The following SCAP variants were observed in gnomAD, a reference collection of about 807,000 sequenced individuals.
SCAP encodes the protein SREBF chaperone, also known as sterol regulatory element-binding protein cleavage-activating protein.
In SCAP, 65 loss-of-function variants were observed where a neutral mutation model predicts 123.6. That is an observed-to-expected ratio of 0.53 (90% CI 0.43 to 0.65). The LOEUF is 0.65. SCAP is among the 30% of genes least tolerant of loss of function. The pLI is 0.00. For synonymous variants in SCAP, 740 were observed against 726.3 expected, an observed-to-expected ratio of 1.02 and a Z score of -0.30; for missense variants, 1,398 against 1,712.5, an observed-to-expected ratio of 0.82 and a Z score of 3.24.
chr3:47,422,544 G>C lies in SCAP; in HGVS notation c.1151-8C>G. ...AGCTCTCGCTGCTTAGGCCTGCAGA[G>C]GGCAGCAACAGGGCACAGGGCAACA... is the stretch of plus-strand genomic sequence containing the variant. On this transcript the variant is annotated splice_polypyrimidine_tract_variant and splice_region_variant and intron_variant, in intron 9 of 22. Transcript: ENST00000265565. The C allele has an allele frequency of 6.2e-7, 1 of 1,607,404 alleles. No individual in the cohort carries two copies. The highest frequency in any genetic ancestry group is 2.2e-5 in the East Asian group (1 of 44,598).
At chr3:47,431,804 C>T (rs1291868357) in intron 3 of SCAP, among the ~76,000 whole-genome samples, 3 of 152,164 alleles carry the variant, frequency 2.0e-5, no homozygotes, top group Non-Finnish European at 4.4e-5. Context: ...TGTAAAGTTA[C>T]TTTTTCCCAC....
At chr3:47,417,014 G>A (rs113001398) in intron 18 of SCAP, 108 bp downstream of exon 18, 7 of 943,666 alleles carry the variant, frequency 7.4e-6, no homozygotes, top group Non-Finnish European at 9.7e-6. Context: ...AAGGTCAATC[G>A]AATCATACAG....
At position 47,417,392 on chromosome 3, in the gene SCAP, G is replaced by A. The variant is rs1438889819; in HGVS notation, c.2882C>T (p.Ala961Val). The change falls in exon 17 of 23, where the codon GCC becomes GTC. Residue 961 changes from alanine (A) to valine (V), a missense_variant. Physicochemically the swap from Ala to Val is moderately conservative, Grantham distance 64. Coordinates refer to ENST00000265565, the MANE Select transcript of SCAP (RefSeq NM_012235.4). ...GSPEKGSPSL[A>V]WAPSAEGSIW... ...GGAACCCTCGGCACTGGGGGCCCAG[G>A]CGAGGGAAGGGGAGCCTTTCTCGGG... 6.3e-7 allele frequency: 1 copy of A among 1,594,004 alleles called. No individual in the cohort carries two copies.
chr3:47,422,630 G>A, intron 9 of SCAP, 94 bp from the exon 10 acceptor site: 3 of 1,069,312 alleles, frequency 2.8e-6, no homozygotes, highest in South Asian at 1.5e-5. Context: ...CAGAGGCATG[G>A]CAAGGCCCCC....
chr3:47,419,630 C>G lies in SCAP; in HGVS notation c.1638G>C (p.Gln546His). Residue 546 changes from glutamine to histidine, a missense_variant, in exon 13 of 23, where the codon CAG (glutamine) becomes CAC (histidine). This residue lies in a region of SCAP where 828 missense variants were observed against 882.5 expected (regional missense o/e 0.94). Transcript: ENST00000265565. This position sits in a 1 kb window ranked among gnomAD's most constrained non-coding sequence, Gnocchi z 5.0. The part of the protein sequence containing the change: ...PAGLRNYLAA[Q>H]VTEQSPLGEG... ...CACCCAATGGGCTCTGTTCCGTCAC[C>G]TGGGCAGCGAGGTAGTTGCGCAGCC... 1 of 1,579,442 alleles carries G rather than the reference C, an allele frequency of 6.3e-7. No individual in the cohort carries two copies. Among genetic ancestry groups the G allele is most frequent in the Non-Finnish European group, 8.6e-7 (1 of 1,161,540 alleles).
intron 7 of SCAP, 35 bp from the exon 8 acceptor site, chr3:47,425,646 T>TC (rs755826250): frequency 6.2e-7 from 1 of 1,607,296 alleles, no homozygotes; most frequent in African/African-American, 1.3e-5. Context: ...GGGCGGCCCC[T>TC]CCCCCAGCCC....
Position 47,425,473 on chromosome 3 carries a change from C to T in SCAP, c.1037+12G>A. 6.2e-7 allele frequency: 1 copy of T among 1,612,792 alleles called. No individual in the cohort carries two copies. The highest frequency in any genetic ancestry group is 2.2e-5 in the East Asian group (1 of 44,894). On this transcript the variant is annotated intron_variant, in intron 8 of 22. Transcript: ENST00000265565. ...CCACCCTGTGGCCCAGTGGAGCCTG[C>T]TAGGGACCTACCCGCCATTGAGGGT... is the stretch of plus-strand genomic sequence containing the variant.
Position 47,435,142 on chromosome 3 carries a change from G to C in SCAP, c.123-5C>G. ...GGGAGTTTCAGCAGTGGGTAGCTGG[G>C]ATGTACAAAAAGGAGATAAGAATTA... is the stretch of plus-strand genomic sequence containing the variant. On this transcript the variant is annotated splice_polypyrimidine_tract_variant and splice_region_variant and intron_variant, in intron 2 of 22. Transcript: ENST00000265565. 1 of 1,611,210 alleles carries C rather than the reference G, an allele frequency of 6.2e-7. No homozygotes were observed.
At position 47,418,853 on chromosome 3, in the gene SCAP, G is replaced by A; in HGVS notation, c.1941-10C>T. On this transcript the variant is annotated splice_polypyrimidine_tract_variant and intron_variant, in intron 13 of 22. Coordinates refer to ENST00000265565, the MANE Select transcript of SCAP (RefSeq NM_012235.4). ...CAGCAGGCTGATGTACCTGGATTCG[G>A]ACAGTGGGCAGCCTCAGCGGGGGGC... 1 of 1,513,436 alleles carries A rather than the reference G, an allele frequency of 6.6e-7. No individual in the cohort carries two copies. Among genetic ancestry groups the A allele is most frequent in the South Asian group, 1.3e-5 (1 of 74,590 alleles). The allele number at this position is 1,513,436 out of a possible 1,614,324, so 93.8% of individuals were successfully genotyped here.
Position 47,415,076 on chromosome 3 carries a change from TGCCCACCCCAG to T in SCAP, c.3139+11_3139+21del. The T allele has an allele frequency of 6.3e-7, 1 of 1,588,714 alleles. No homozygotes were observed. Among genetic ancestry groups the T allele is most frequent in the Non-Finnish European group, 8.5e-7 (1 of 1,170,506 alleles). ...GCCCGTCCCACCAAGTGTGAACACC[TGCCCACCCCAG>T]GCCCTCCGACCTCTAAACTGCAGGG... On this transcript the variant is annotated intron_variant, in intron 19 of 22. Transcript: ENST00000265565.
chr3:47,466,635 C>A (rs1008163064), intron 1 of SCAP, among the ~76,000 whole-genome samples: 1 of 151,952 alleles, frequency 6.6e-6, no homozygotes, highest in African/African-American at 2.4e-5. Flanking sequence ...CAAAAATTAA[C>A]TCAAAATAGA....
chr3:47,425,292 T>C lies in SCAP; in HGVS notation c.1037+193A>G, dbSNP rs543794993. The C allele has an allele frequency of 1.1e-5, 7 of 617,424 alleles. No individual in the cohort carries two copies. In the East Asian group the frequency reaches 2.0e-4, roughly 18 times the overall value. The allele number at this position is 617,424 out of a possible 1,614,324, so 38.2% of individuals were successfully genotyped here. A position where few individuals can be genotyped will look rare whatever the true frequency, so the allele number is the denominator to read the frequency against. On this transcript the variant is annotated intron_variant, in intron 8 of 22. Transcript: ENST00000265565. ...TATGGACACTCACTATAGCTAGATA[T>C]GCTATATACAAACACAAGTATGAAT...
Position 47,427,561 on chromosome 3 carries a change from A to T in SCAP, c.517T>A (p.Ser173Thr). ...TCATTCTGCCAGAAGTTCCCAGGGG[A>T]CAGCAGCAGGCATCCATGCTCAGGG... Reference protein sequence around the residue: ...LLPEHGCLLLSPGNFWQNDWE... With the variant: ...LLPEHGCLLLTPGNFWQNDWE... Residue 173 changes from serine to threonine, a missense_variant, in exon 5 of 23, where the codon TCC becomes ACC. By Grantham distance (58) the Ser-to-Thr change is moderately conservative. Transcript: ENST00000265565. 1 of 1,614,170 alleles carries T rather than the reference A, an allele frequency of 6.2e-7. No homozygotes were observed. The highest frequency in any genetic ancestry group is 1.6e-4 in the Middle Eastern group (1 of 6,062).
chr3:47,423,795 C>T, intron 9 of SCAP, 138 bp downstream of exon 9: 1 of 663,974 alleles, frequency 1.5e-6, no homozygotes, highest in Non-Finnish European at 2.7e-6. Flanking sequence ...GCCCAGTGGC[C>T]CACTGCATAT....
Position 47,439,532 on chromosome 3 carries a change from T to A in SCAP, c.122+3340A>T, listed in dbSNP as rs561862006. ...TTCACATCACTCTCTGACCTGCACATAGGGCAGTCCAACTAACATGGCATC... is the reference window on the plus strand; with the variant it reads ...TTCACATCACTCTCTGACCTGCACAAAGGGCAGTCCAACTAACATGGCATC... On this transcript the variant is annotated intron_variant, in intron 2 of 22. Transcript: ENST00000265565. The surrounding 1 kb of genome is among the most constrained non-coding windows in gnomAD (Gnocchi z 4.0). 2.0e-5 allele frequency among the ~76,000 whole-genome samples: 3 copies of A among 152,330 alleles called. 1 individual carries two copies. In the Middle Eastern group the frequency reaches 0.01, roughly 518 times the overall value.
At chr3:47,444,954 T>C (rs1706972465) in intron 1 of SCAP, among the ~76,000 whole-genome samples, 1 of 151,408 alleles carries the variant, frequency 6.6e-6, no homozygotes, top group African/African-American at 2.4e-5. Flanking sequence ...GTATTTTTGA[T>C]AGAGACCAAG....
rs745741259 is a variant in SCAP at position 47,420,523 on chromosome 3, G to GAGGGC, written c.1563+26_1563+30dup. 1.2e-5 allele frequency: 19 copies of GAGGGC among 1,552,500 alleles called. No homozygotes were observed. Among genetic ancestry groups the GAGGGC allele is most frequent in the South Asian group, 2.4e-5 (2 of 83,802 alleles). Reference sequence around the variant, plus strand: ...GGCCTGGAGCACCGGCCCTCCAGAAGAGGGCAGGGCAGGGCAGGGGTGGCA... The same window carrying GAGGGC: ...GGCCTGGAGCACCGGCCCTCCAGAAGAGGGCAGGGCAGGGCAGGGCAGGGGTGGCA... On this transcript the variant is annotated intron_variant, in intron 12 of 22. Transcript: ENST00000265565. The surrounding 1 kb of genome is among the most constrained non-coding windows in gnomAD (Gnocchi z 5.0).
Position 47,417,737 on chromosome 3 carries a change from T to C in SCAP, c.2537A>G (p.Glu846Gly), listed in dbSNP as rs1705662227. ...RLSDGGKAGP[E>G]EPGDSPPLRH... ...CAGGGGAGGGCTGTCCCCAGGCTCC[T>C]CTGGACCAGCCTTCCCACCATCTGA... The change falls in exon 17 of 23, where the codon GAG (glutamate) becomes GGG (glycine). Residue 846 changes from glutamate (E) to glycine (G), a missense_variant. Glu to Gly is a moderately conservative substitution (Grantham distance 98). Coordinates refer to ENST00000265565, the MANE Select transcript of SCAP (RefSeq NM_012235.4). 6.2e-7 allele frequency: 1 copy of C among 1,606,666 alleles called. No individual in the cohort carries two copies.
At chr3:47,421,189 C>A in intron 10 of SCAP, 160 bp from the exon 11 acceptor site, 1 of 647,678 alleles carries the variant, frequency 1.5e-6, no homozygotes, top group South Asian at 1.8e-5. Context: ...GCTCACATAC[C>A]AGCAGCAGCT....
Sources: allele counts gnomAD v4.1 joint callset (sites outside exome capture counted in the v4.1 genomes callset), GRCh38; gene constraint gnomAD v4.1.1; regional missense constraint gnomAD v4.1.1; non-coding constraint Gnocchi (gnomAD v3.1); transcripts MANE v1.5; gene names NCBI Gene and HGNC (gene_info 2026-07-23, HGNC 2026-07-21).